The following RELN variants were observed in gnomAD, a reference collection of about 807,000 sequenced individuals.
RELN encodes the protein reelin.
A neutral mutation model predicts 427.6 loss-of-function variants in RELN; 108 were observed. The ratio of observed to expected loss-of-function variants is 0.25; its 90% confidence interval spans 0.22 to 0.30. RELN has a LOEUF of 0.30. Ranked by LOEUF, RELN falls within the 10% of genes least tolerant of loss-of-function variation. The pLI is 1.00. For missense variants in RELN, 3,715 were observed against 4,302.8 expected, an observed-to-expected ratio of 0.86 and a Z score of 3.82; for synonymous variants, 1,524 against 1,513.4, an observed-to-expected ratio of 1.01 and a Z score of -0.16.
rs568536464 is a variant in RELN at position 103,786,012 on chromosome 7, T to C, written c.474-9385A>G. On this transcript the variant is annotated intron_variant, in intron 3 of 64. Transcript: ENST00000428762. ...GGATATGATTTCTAACCTAGTTAAT[T>C]AATCATAACAAATTAGGACAGTAAT... 2.3e-4 allele frequency among the ~76,000 whole-genome samples: 35 copies of C among 152,118 alleles called. No individual in the cohort carries two copies. The South Asian group carries it at 7.0e-3, about 31-fold the overall frequency.
At chr7:103,695,837 A>G (rs1001305886) in intron 10 of RELN, among the ~76,000 whole-genome samples, 2 of 151,994 alleles carry the variant, frequency 1.3e-5, no homozygotes, top group Non-Finnish European at 2.9e-5. Flanking sequence ...TTTTTTCTAG[A>G]CTCATACAAA....
intron 2 of RELN, among the ~76,000 whole-genome samples, chr7:103,865,888 G>C (rs1794186485): frequency 6.6e-6 from 1 of 152,142 alleles, no homozygotes; most frequent in Non-Finnish European, 1.5e-5. Flanking sequence ...AGTACAGAAA[G>C]TATTTATTGT....
intron 19 of RELN, among the ~76,000 whole-genome samples, chr7:103,631,774 T>C (rs938035391): frequency 6.6e-6 from 1 of 152,086 alleles, no homozygotes; most frequent in Non-Finnish European, 1.5e-5. Context: ...AACAAATGCA[T>C]ATATTTATAA....
intron 15 of RELN, among the ~76,000 whole-genome samples, chr7:103,651,162 A>C (rs1266765028): frequency 6.6e-6 from 1 of 152,072 alleles, no homozygotes; most frequent in East Asian, 1.9e-4. Context: ...TATTTTTACT[A>C]TTCTCATAAT....
chr7:103,914,464 T>C (rs1294358049), intron 2 of RELN, among the ~76,000 whole-genome samples: 1 of 152,112 alleles, frequency 6.6e-6, no homozygotes, highest in Non-Finnish European at 1.5e-5. Flanking sequence ...TTTTTTCTTT[T>C]TTTGCTCCCC....
chr7:103,926,627 G>GTTTTTTTTTTTTTTTTTTTTTTTT (rs60259062), intron 1 of RELN, among the ~76,000 whole-genome samples: 2 of 99,462 alleles, frequency 2.0e-5, no homozygotes, highest in African/African-American at 7.1e-5. Flanking sequence ...AGTATCATAA[G>GTTTTTTTTTTTTTTTTTTTTTTTT]TTTTTTTTTT....
intron 31 of RELN, among the ~76,000 whole-genome samples, chr7:103,567,082 A>G (rs1028910212): frequency 6.6e-6 from 1 of 152,254 alleles, no homozygotes; most frequent in African/African-American, 2.4e-5. Flanking sequence ...TGTTCTGAAC[A>G]TTACAAAGTC....
chr7:103,565,139 G>A, intron 34 of RELN, 139 bp downstream of exon 34: 3 of 1,102,298 alleles, frequency 2.7e-6, no homozygotes, highest in Non-Finnish European at 4.1e-6. Context: ...AAAGCACCTT[G>A]CACTTTTTTT....
At chr7:103,619,633 G>A (rs776171808) in intron 20 of RELN, among the ~76,000 whole-genome samples, 17 of 152,204 alleles carry the variant, frequency 1.1e-4, no homozygotes, top group Non-Finnish European at 1.8e-4. Flanking sequence ...TAGAAAATGC[G>A]CGTCAGCTGG....
intron 16 of RELN, among the ~76,000 whole-genome samples, chr7:103,649,406 A>G (rs572553390): frequency 3.9e-5 from 6 of 152,154 alleles, no homozygotes; most frequent in African/African-American, 1.4e-4. Flanking sequence ...AGACAGTAGA[A>G]TAACAGGCAC....
At chr7:103,687,344 G>A (rs77621407) in intron 10 of RELN, among the ~76,000 whole-genome samples, 5,464 of 152,200 alleles carry the variant, frequency 0.036, 162 homozygotes, top group East Asian at 0.14. Context: ...GTGGGAGACT[G>A]CAAGATAACA....
chr7:103,827,204 T>C (rs1043419739), intron 3 of RELN, among the ~76,000 whole-genome samples: 3 of 151,954 alleles, frequency 2.0e-5, no homozygotes, highest in Non-Finnish European at 2.9e-5. Context: ...AATTTTCCCA[T>C]GTTAGTAAAG....
At chr7:103,893,978 T>C (rs1794905764) in intron 2 of RELN, among the ~76,000 whole-genome samples, 1 of 152,190 alleles carries the variant, frequency 6.6e-6, no homozygotes, top group African/African-American at 2.4e-5. Flanking sequence ...CTCTCAGGCA[T>C]AGCCGAACGC....
chr7:103,860,538 A>C (rs1794048163), intron 2 of RELN, among the ~76,000 whole-genome samples: 1 of 152,094 alleles, frequency 6.6e-6, no homozygotes, highest in Non-Finnish European at 1.5e-5. Context: ...CTTACTATAT[A>C]ACTTGGATTT....
intron 2 of RELN, among the ~76,000 whole-genome samples, chr7:103,913,157 T>G (rs2116659566): frequency 6.6e-6 from 1 of 152,288 alleles, no homozygotes; most frequent in Admixed American, 6.5e-5. Context: ...AAAGCTGTAG[T>G]AATGTTAGTG....
In RELN at chr7:103,491,854, T is replaced by TCACA. The variant is rs1465537709; in HGVS notation, c.9443+98_9443+99insTGTG. ...CTCTCTCTCTCTCTCTCTCTCTCTC[T>TCACA]CTCACACACACACACACACACACAC... is the stretch of plus-strand genomic sequence containing the variant. On this transcript the variant is annotated intron_variant, in intron 58 of 64. Transcript: ENST00000428762. 2.2e-3 allele frequency: 824 copies of TCACA among 377,506 alleles called. 6 individuals carry two copies. The highest frequency in any genetic ancestry group is 0.018 in the African/African-American group (453 of 25,312). The allele number at this position is 377,506 out of a possible 1,614,324, so 23.4% of individuals were successfully genotyped here.
rs954039574 is a variant in RELN, at chr7:103,573,633, A to G, written c.4511+459T>C. Among the ~76,000 whole-genome samples the G allele has an allele frequency of 6.6e-6, 1 of 152,302 alleles. No individual in the cohort carries two copies. Among genetic ancestry groups the G allele is most frequent in the South Asian group, 2.1e-4 (1 of 4,820 alleles). On this transcript the variant is annotated intron_variant, in intron 30 of 64. Coordinates refer to ENST00000428762, the MANE Select transcript of RELN (RefSeq NM_005045.4). The surrounding 1 kb of genome is among the most constrained non-coding windows in gnomAD (Gnocchi z 4.4). ...TTTCATTTGATCTTAAAAACCAAAC[A>G]GTTCTTTATTTTACCAGTAGGTGTC...
At chr7:103,665,404 C>T (rs2115584758) in intron 11 of RELN, among the ~76,000 whole-genome samples, 1 of 151,220 alleles carries the variant, frequency 6.6e-6, no homozygotes, top group East Asian at 1.9e-4. Flanking sequence ...TGTAAAATAG[C>T]TCTTGATAGC....
intron 58 of RELN, among the ~76,000 whole-genome samples, chr7:103,491,193 C>A (rs1828637988): frequency 6.6e-6 from 1 of 152,150 alleles, no homozygotes; most frequent in South Asian, 2.1e-4. Context: ...GGGCTATTAA[C>A]CCTAATAAGG....
Sources: allele counts gnomAD v4.1 joint callset (sites outside exome capture counted in the v4.1 genomes callset), GRCh38; gene constraint gnomAD v4.1.1; non-coding constraint Gnocchi (gnomAD v3.1); transcripts MANE v1.5; gene names NCBI Gene and HGNC (gene_info 2026-07-23, HGNC 2026-07-21).